Variants in RNF150 observed in about 807,000 individuals in gnomAD.
RNF150 encodes the protein ring finger protein 150.
RNF150 carries 24 observed loss-of-function variants against 39.3 expected under a neutral mutation model. The ratio of observed to expected loss-of-function variants is 0.61; its 90% CI spans 0.44 to 0.86. RNF150 has a LOEUF of 0.86. Among genes scored for constraint, RNF150 ranks in the 40% least tolerant of loss-of-function variants. RNF150 has a pLI of 0.00. For synonymous variants in RNF150, 255 were observed against 227.3 expected (o/e 1.12, Z -1.10); for missense variants, 502 against 587.8 (o/e 0.85, Z 1.51).
At chr4:140,903,945 G>A (rs1470691584) in intron 6 of RNF150, among the ~76,000 whole-genome samples, 1 of 152,220 alleles carries the variant, frequency 6.6e-6, no homozygotes, top group East Asian at 1.9e-4. Flanking sequence ...AGGCACATAA[G>A]ACAGGAAAGC....
chr4:141,142,839 G>T (rs1392558360), intron 1 of RNF150, among the ~76,000 whole-genome samples: 2 of 151,236 alleles, frequency 1.3e-5, no homozygotes, highest in South Asian at 4.2e-4. Context: ...TTATGTAGGT[G>T]ATCTACCCCC....
intron 5 of RNF150, among the ~76,000 whole-genome samples, chr4:140,921,698 A>G (rs545916876): frequency 1.5e-4 from 23 of 152,344 alleles, no homozygotes; most frequent in African/African-American, 5.3e-4. Flanking sequence ...TCCTTGATGA[A>G]CATTGATCCA....
intron 1 of RNF150, among the ~76,000 whole-genome samples, chr4:141,209,768 T>TAA (rs893058555): frequency 6.6e-6 from 1 of 151,290 alleles, no homozygotes; most frequent in African/African-American, 2.4e-5. Flanking sequence ...GGGGTATCTA[T>TAA]AAAAAAAAAC....
chr4:140,949,122 ACG>A (rs1302893747), intron 3 of RNF150, among the ~76,000 whole-genome samples, 177 bp downstream of exon 3: 2 of 152,196 alleles, frequency 1.3e-5, no homozygotes, highest in Non-Finnish European at 2.9e-5. Flanking sequence ...ATCATAGCAT[ACG>A]CATTTTATAA....
At chr4:140,968,637 T>G (rs1426716659) in intron 1 of RNF150, among the ~76,000 whole-genome samples, 1 of 151,734 alleles carries the variant, frequency 6.6e-6, no homozygotes, top group Non-Finnish European at 1.5e-5. Flanking sequence ...ATTGTTTCAC[T>G]TCCACTCTTA....
At chr4:141,003,198 TGGGAATATTTTTA>T (rs1560681676) in intron 1 of RNF150, among the ~76,000 whole-genome samples, 1 of 152,068 alleles carries the variant, frequency 6.6e-6, no homozygotes, top group East Asian at 1.9e-4. Context: ...GAAAGGGCCA[TGGGAATATTTTTA>T]GGGAATAAAT....
intron 1 of RNF150, among the ~76,000 whole-genome samples, chr4:141,124,517 C>A (rs1361741149): frequency 3.3e-5 from 5 of 152,228 alleles, no homozygotes; most frequent in Non-Finnish European, 5.9e-5. Context: ...TTTCCTCATC[C>A]ACTATTCTTT....
At chr4:141,060,918 C>T (rs1156504913) in intron 1 of RNF150, among the ~76,000 whole-genome samples, 3 of 152,108 alleles carry the variant, frequency 2.0e-5, no homozygotes, top group Admixed American at 6.5e-5. Flanking sequence ...TGTTCTCACT[C>T]ATAAGTGGGA....
intron 1 of RNF150, among the ~76,000 whole-genome samples, chr4:141,060,979 G>T (rs944946484): frequency 2.0e-5 from 3 of 152,002 alleles, no homozygotes; most frequent in African/African-American, 7.3e-5. Flanking sequence ...CACACACTGG[G>T]GCCTTTTGCG....
chr4:141,207,268 G>T (rs1728389696), intron 1 of RNF150, among the ~76,000 whole-genome samples: 1 of 150,390 alleles, frequency 6.6e-6, no homozygotes, highest in African/African-American at 2.4e-5. Flanking sequence ...AAATAGAGAG[G>T]TTATACTGGA....
chr4:141,201,151 A>G (rs1279101729), intron 1 of RNF150, among the ~76,000 whole-genome samples: 1 of 152,192 alleles, frequency 6.6e-6, no homozygotes, highest in Non-Finnish European at 1.5e-5. Flanking sequence ...GACATAGGTG[A>G]AGCAGACGAA....
At chr4:141,105,146 T>C (rs1273091102) in intron 1 of RNF150, among the ~76,000 whole-genome samples, 2 of 152,196 alleles carry the variant, frequency 1.3e-5, no homozygotes, top group Non-Finnish European at 1.5e-5. Flanking sequence ...AATGTCAGAA[T>C]TAACAATGAA....
intron 1 of RNF150, among the ~76,000 whole-genome samples, chr4:141,052,779 C>G (rs2110894992): frequency 6.6e-6 from 1 of 152,274 alleles, no homozygotes; most frequent in South Asian, 2.1e-4. Context: ...AGAACAGATT[C>G]TACTCAGCTC....
intron 1 of RNF150, among the ~76,000 whole-genome samples, chr4:140,995,304 CA>C (rs754371371): frequency 2.6e-5 from 4 of 152,178 alleles, no homozygotes; most frequent in Non-Finnish European, 5.9e-5. Context: ...CAATGTACAG[CA>C]GCAGCAGAGG....
intron 4 of RNF150, among the ~76,000 whole-genome samples, chr4:140,936,892 T>G (rs1356334276): frequency 6.6e-6 from 1 of 152,170 alleles, no homozygotes; most frequent in Non-Finnish European, 1.5e-5. Context: ...ATATGGGAAT[T>G]TAAATTACCT....
intron 1 of RNF150, among the ~76,000 whole-genome samples, chr4:140,985,589 TA>T (rs1424710759): frequency 3.9e-5 from 6 of 152,174 alleles, no homozygotes; most frequent in Non-Finnish European, 8.8e-5. Flanking sequence ...TTATGAAATG[TA>T]AATATAGATC....
chr4:141,196,105 C>A (rs1004434296), intron 1 of RNF150, among the ~76,000 whole-genome samples: 1 of 152,130 alleles, frequency 6.6e-6, no homozygotes, highest in Non-Finnish European at 1.5e-5. Context: ...ACAGGTAAAG[C>A]TTTCCTCTTG....
intron 1 of RNF150, among the ~76,000 whole-genome samples, chr4:141,211,911 A>G (rs944524979): frequency 1.3e-5 from 2 of 152,220 alleles, no homozygotes; most frequent in African/African-American, 2.4e-5. Flanking sequence ...AAAGTGAAGG[A>G]AAGAATTTAA....
intron 3 of RNF150, 61 bp from the exon 4 acceptor site, chr4:140,947,797 C>G: frequency 8.5e-7 from 1 of 1,178,644 alleles, no homozygotes; most frequent in Admixed American, 2.4e-5. Flanking sequence ...TGTAAATATC[C>G]AAGCCAAAAC....
Sources: gnomAD v4.1 joint callset for allele counts (sites outside exome capture counted in the v4.1 genomes callset) on GRCh38, gnomAD v4.1.1 for gene constraint, MANE v1.5 for transcripts, NCBI Gene and HGNC (gene_info 2026-07-23, HGNC 2026-07-21) for gene names.